Variants in DNM3 observed in about 807,000 individuals in gnomAD.
DNM3 encodes the protein dynamin-3.
DNM3 carries 47 observed loss-of-function variants against 101.6 expected under a neutral mutation model. That is an observed-to-expected ratio of 0.46 (90% CI 0.37 to 0.59). The LOEUF (loss-of-function observed/expected upper bound fraction) is 0.59. DNM3 is among the 20% of genes least tolerant of loss of function. DNM3 has a pLI of 0.00. For synonymous variants in DNM3, 385 were observed against 387.9 expected (o/e 0.99, Z 0.09); for missense variants, 849 against 1,085.7 (o/e 0.78, Z 3.06).
At chr1:172,405,127 G>T (rs760748666) in intron 20 of DNM3, among the ~76,000 whole-genome samples, 3 of 152,020 alleles carry the variant, frequency 2.0e-5, no homozygotes, top group Non-Finnish European at 4.4e-5. Context: ...TACTCACCTT[G>T]ATCTAGCCTA....
chr1:171,942,728 A>G (rs2041903308), intron 2 of DNM3, among the ~76,000 whole-genome samples: 1 of 152,200 alleles, frequency 6.6e-6, no homozygotes, highest in African/African-American at 2.4e-5. Flanking sequence ...TTGCAGTTTT[A>G]TGGAGTTTTT....
At chr1:172,296,541 C>T (rs756793023) in intron 15 of DNM3, among the ~76,000 whole-genome samples, 109 of 152,310 alleles carry the variant, frequency 7.2e-4, no homozygotes, top group Middle Eastern at 6.8e-3. Context: ...TCCTGAGGCT[C>T]CCAGAAAGAG....
chr1:172,145,049 G>A (rs2057805204), intron 14 of DNM3, among the ~76,000 whole-genome samples: 1 of 151,820 alleles, frequency 6.6e-6, no homozygotes, highest in Non-Finnish European at 1.5e-5. Context: ...GTGGGCCCCA[G>A]TATGGAAAAG....
At chr1:172,027,292 AAC>A (rs1478525398) in intron 4 of DNM3, among the ~76,000 whole-genome samples, 1 of 152,068 alleles carries the variant, frequency 6.6e-6, no homozygotes, top group Non-Finnish European at 1.5e-5. Flanking sequence ...CCAATTAAAA[AAC>A]ACAGACTGGG....
intron 13 of DNM3, among the ~76,000 whole-genome samples, chr1:172,101,081 G>C (rs1457916361): frequency 6.6e-6 from 1 of 152,302 alleles, no homozygotes; most frequent in East Asian, 1.9e-4. Flanking sequence ...CACATGGGCT[G>C]CCTCTCCCCC....
chr1:171,862,170 C>T (rs2034241426), intron 1 of DNM3, among the ~76,000 whole-genome samples: 1 of 152,086 alleles, frequency 6.6e-6, no homozygotes, highest in Admixed American at 6.6e-5. Context: ...AACAGTTTGG[C>T]AAATTCCTCA....
At chr1:172,245,107 T>C (rs1329888037) in intron 14 of DNM3, among the ~76,000 whole-genome samples, 1 of 152,206 alleles carries the variant, frequency 6.6e-6, no homozygotes, top group Admixed American at 6.5e-5. Flanking sequence ...AGCAAGTGTT[T>C]GCTGAATGTC....
chr1:172,329,604 A>G (rs2066095501), intron 17 of DNM3, among the ~76,000 whole-genome samples: 2 of 152,174 alleles, frequency 1.3e-5, no homozygotes, highest in South Asian at 4.1e-4. Context: ...AAGAAAAACA[A>G]GAAAGCTTAA....
At chr1:172,285,234 A>C (rs2063652505) in intron 15 of DNM3, among the ~76,000 whole-genome samples, 1 of 152,194 alleles carries the variant, frequency 6.6e-6, no homozygotes, top group Non-Finnish European at 1.5e-5. Flanking sequence ...TATTTTAAAA[A>C]CTGTCAGTTC....
chr1:172,305,754 T>A (rs2064774935), intron 15 of DNM3, among the ~76,000 whole-genome samples: 1 of 152,028 alleles, frequency 6.6e-6, no homozygotes, highest in Non-Finnish European at 1.5e-5. Flanking sequence ...ACATAATTCA[T>A]CACATAAACA....
At chr1:172,050,954 A>G (rs1486606697) in intron 10 of DNM3, among the ~76,000 whole-genome samples, 5 of 152,144 alleles carry the variant, frequency 3.3e-5, no homozygotes, top group Non-Finnish European at 4.4e-5. Flanking sequence ...GCATGGGATG[A>G]GACAGCTTGT....
chr1:172,239,329 C>T (rs1266424176), intron 14 of DNM3, among the ~76,000 whole-genome samples: 1 of 152,110 alleles, frequency 6.6e-6, no homozygotes, highest in Non-Finnish European at 1.5e-5. Flanking sequence ...GAGAGAACAC[C>T]ATACTGTGTT....
intron 4 of DNM3, among the ~76,000 whole-genome samples, chr1:172,000,880 GT>G (rs2046317803): frequency 6.6e-6 from 1 of 152,076 alleles, no homozygotes; most frequent in African/African-American, 2.4e-5. Flanking sequence ...AACAATAGTA[GT>G]GTAAGATGAA....
At chr1:171,986,239 T>A (rs971433951) in intron 2 of DNM3, among the ~76,000 whole-genome samples, 2 of 152,106 alleles carry the variant, frequency 1.3e-5, no homozygotes, top group African/African-American at 4.8e-5. Flanking sequence ...CAGCTTAAAA[T>A]CATCTTTTCT....
chr1:171,907,724 C>G (rs185901563), intron 1 of DNM3, among the ~76,000 whole-genome samples: 1 of 152,284 alleles, frequency 6.6e-6, no homozygotes, highest in African/African-American at 2.4e-5. Flanking sequence ...CAAGTCGTTA[C>G]TAAACTCTCA....
chr1:172,401,187 C>CTT (rs2070458315), intron 20 of DNM3, among the ~76,000 whole-genome samples: 1 of 152,190 alleles, frequency 6.6e-6, no homozygotes, highest in African/African-American at 2.4e-5. Flanking sequence ...TAGCCCGATA[C>CTT]TTATTTTAAA....
At position 172,408,629 on chromosome 1, in the gene DNM3, T is replaced by A; in HGVS notation, c.*788T>A. 1 of 985,056 alleles carries A rather than the reference T, an allele frequency of 1.0e-6. No homozygotes were observed. The highest frequency in any genetic ancestry group is 1.2e-6 in the Non-Finnish European group (1 of 829,604). 61.0% of individuals were successfully genotyped at this position (985,056 alleles called of 1,614,324 possible). On this transcript the variant is annotated 3_prime_UTR_variant, in exon 21 of 21. Transcript: ENST00000627582. ...GGAAAAATATAATTTCTTTCTTTAC[T>A]TATATTCACCTCATGGTAGGTTATA...
intron 11 of DNM3, among the ~76,000 whole-genome samples, chr1:172,079,085 G>T (rs762236267): frequency 6.6e-5 from 10 of 152,078 alleles, no homozygotes; most frequent in Non-Finnish European, 1.2e-4. Context: ...TGATTCTGAT[G>T]ATTATGTGTC....
rs2055207381 is a variant in DNM3 at position 172,108,205 on chromosome 1, A to C, written c.1545+15330A>C. On this transcript the variant is annotated intron_variant, in intron 13 of 20. Transcript: ENST00000627582. ...AGATATGTATATGTCTTCTAATCTT[A>C]GGGTCTCAGATTTATCATATAGTAG... 2.0e-5 allele frequency among the ~76,000 whole-genome samples: 3 copies of C among 152,126 alleles called. No homozygotes were observed. The South Asian group carries it at 6.2e-4, about 32-fold the overall frequency.
Sources: allele counts gnomAD v4.1 joint callset (sites outside exome capture counted in the v4.1 genomes callset), GRCh38; gene constraint gnomAD v4.1.1; transcripts MANE v1.5; gene names NCBI Gene and HGNC (gene_info 2026-07-23, HGNC 2026-07-21).